SIPA1L3: variants seen among roughly 807,000 people sequenced by gnomAD.
SIPA1L3 encodes signal-induced proliferation-associated 1-like protein 3.
In SIPA1L3, 59 loss-of-function variants were observed where a neutral mutation model predicts 150.1. That is an observed-to-expected ratio of 0.39 (90% CI 0.32 to 0.49). SIPA1L3 has a LOEUF of 0.49. Among genes scored for constraint, SIPA1L3 ranks in the 20% least tolerant of loss-of-function variants. The pLI is 0.86. For missense variants in SIPA1L3, 2,211 were observed against 2,489.5 expected (o/e 0.89, Z 2.38); for synonymous variants, 1,070 against 1,077.6 (o/e 0.99, Z 0.14).
chr19:38,123,554 C>T (rs1971079989), intron 9 of SIPA1L3, among the ~76,000 whole-genome samples: 1 of 145,846 alleles, frequency 6.9e-6, no homozygotes, highest in East Asian at 2.0e-4. Context: ...GGACACAGCA[C>T]ATGTTTCAGA....
At chr19:38,170,729 C>T (rs936198716) in intron 15 of SIPA1L3, among the ~76,000 whole-genome samples, 13 of 151,964 alleles carry the variant, frequency 8.6e-5, no homozygotes, top group African/African-American at 1.2e-4. Flanking sequence ...CCTGCAGAGA[C>T]GGGTGGGGTC....
In SIPA1L3 at chr19:38,106,623, C is replaced by A; in HGVS notation, c.2116C>A (p.Pro706Thr). 2.5e-6 allele frequency: 4 copies of A among 1,612,506 alleles called. No homozygotes were observed. Among genetic ancestry groups the A allele is most frequent in the Non-Finnish European group, 2.5e-6 (3 of 1,178,540 alleles). The change falls in exon 7 of 22, where the codon CCC (proline) becomes ACC (threonine). Residue 706 changes from proline to threonine, a missense_variant. Physicochemically the swap from Pro to Thr is conservative, Grantham distance 38. Around this residue, in one of 5 missense-constraint regions of SIPA1L3, gnomAD observed 625 missense variants for 804.2 expected, o/e 0.78. Transcript: ENST00000222345. ...TGTCTCCACCCTGCTCCCTTACACC[C>A]CCAACAACAGGCAGCAGGTCAGTGA... ...FHVSTLLPYT[P>T]NNRQQLLRKR... is the part of the protein sequence containing the mutation.
chr19:37,959,330 T>C (rs549775383), intron 1 of SIPA1L3, among the ~76,000 whole-genome samples: 4 of 152,170 alleles, frequency 2.6e-5, no homozygotes, highest in Non-Finnish European at 4.4e-5. Flanking sequence ...CAATGGTATA[T>C]TACTCTGTCA....
Position 38,141,202 on chromosome 19 carries a change from C to A in SIPA1L3, c.3162C>A (p.Tyr1054Ter). The A allele has an allele frequency of 6.2e-7, 1 of 1,602,992 alleles. No homozygotes were observed. The highest frequency in any genetic ancestry group is 8.5e-7 in the Non-Finnish European group (1 of 1,173,438). The part of the protein sequence containing the change: ...GTPRRGWPET[Y>*]DMNTSEPKTE... Reference sequence around the variant, plus strand: ...TCCCCAGGGGTTGGCCGGAGACCTACGACATGAATACCTCGGAGCCCAAGA... The same window carrying A: ...TCCCCAGGGGTTGGCCGGAGACCTAAGACATGAATACCTCGGAGCCCAAGA... Residue 1054 changes from tyrosine to a stop codon, truncating the protein, a stop_gained, in exon 11 of 22, where the codon TAC becomes TAA. Transcript: ENST00000222345. LOFTEE classifies it high-confidence loss of function.
intron 1 of SIPA1L3, among the ~76,000 whole-genome samples, chr19:38,012,860 GGACCTGCA>G (rs928146102): frequency 7.9e-5 from 12 of 152,134 alleles, no homozygotes; most frequent in Non-Finnish European, 1.6e-4. Context: ...CAAGGAGGCT[GGACCTGCA>G]GGAAGTAAAC....
At position 38,088,857 on chromosome 19, in the gene SIPA1L3, TC is replaced by T; in HGVS notation, c.1665+9del. 6.2e-7 allele frequency: 1 copy of T among 1,613,376 alleles called. No homozygotes were observed. On this transcript the variant is annotated splice_region_variant and intron_variant, in intron 4 of 21. Transcript: ENST00000222345. ...TCATCTTCCGGACCCGCGAGGTAGG[TC>T]CCATCACTCTCGTTCTTATTAAAGA...
At position 37,960,403 on chromosome 19, in the gene SIPA1L3, A is replaced by ATT. The variant is rs60821140; in HGVS notation, c.-379+53062_-379+53063dup. Among the ~76,000 whole-genome samples the ATT allele has an allele frequency of 5.1e-3, 701 of 137,560 alleles. 10 individuals are homozygous for ATT. The highest frequency in any genetic ancestry group is 0.017 in the African/African-American group (652 of 37,402). The allele number at this position is 137,560 out of a possible 152,430, so 90.2% of individuals were successfully genotyped here. ...AGGTGCGCGCCACCACACTCAGCTA[A>ATT]TTTTTTTTTTTTTTTTTTGAGACAG... On this transcript the variant is annotated intron_variant, in intron 1 of 21. Coordinates refer to ENST00000222345, the MANE Select transcript of SIPA1L3 (RefSeq NM_015073.3).
intron 1 of SIPA1L3, among the ~76,000 whole-genome samples, chr19:37,993,413 C>A (rs940044390): frequency 2.6e-5 from 4 of 152,178 alleles, no homozygotes; most frequent in African/African-American, 9.7e-5. Flanking sequence ...CTCACTGCAA[C>A]CTCCGCCTCC....
chr19:38,170,633 C>T (rs901581347), intron 15 of SIPA1L3, among the ~76,000 whole-genome samples: 6 of 152,182 alleles, frequency 3.9e-5, no homozygotes, highest in Non-Finnish European at 7.3e-5. Flanking sequence ...AGACCAGATC[C>T]CCACCGTCCT....
intron 1 of SIPA1L3, among the ~76,000 whole-genome samples, chr19:37,998,743 A>ACAC: frequency 6.6e-6 from 1 of 152,282 alleles, no homozygotes; most frequent in African/African-American, 2.4e-5. Context: ...AGCCAAGATC[A>ACAC]CACCACTGTA....
Position 37,984,964 on chromosome 19 carries a change from C to T in SIPA1L3, c.-378-44125C>T, listed in dbSNP as rs747985643. On this transcript the variant is annotated intron_variant, in intron 1 of 21. Transcript: ENST00000222345. ...TCTGTGCTAAACACTGTTTCAAGGC[C>T]CAGGTATGCAGCAGAGAAGACAGAC... Among the ~76,000 whole-genome samples, 6 of 152,206 alleles carry T rather than the reference C, an allele frequency of 3.9e-5. No individual in the cohort carries two copies. The South Asian group carries it at 1.2e-3, about 32-fold the overall frequency.
At chr19:38,153,053 C>T (rs1339371473) in intron 13 of SIPA1L3, 86 bp downstream of exon 13, 3 of 1,480,432 alleles carry the variant, frequency 2.0e-6, no homozygotes, top group East Asian at 2.4e-5. Context: ...AACACTCCCC[C>T]TCTTGTGAGT....
chr19:37,944,138 T>A (rs1218065471), intron 1 of SIPA1L3, among the ~76,000 whole-genome samples: 2 of 151,936 alleles, frequency 1.3e-5, no homozygotes, highest in Non-Finnish European at 2.9e-5. Flanking sequence ...ATTAGCCAGG[T>A]GCAGAGGCAT....
chr19:38,079,865 C>G (rs1424222034), intron 2 of SIPA1L3, among the ~76,000 whole-genome samples: 1 of 152,120 alleles, frequency 6.6e-6, no homozygotes, highest in African/African-American at 2.4e-5. Flanking sequence ...CGGAAGTCCC[C>G]ATGGAAGAAC....
intron 10 of SIPA1L3, among the ~76,000 whole-genome samples, chr19:38,131,363 A>G (rs534840616): frequency 6.6e-6 from 1 of 152,324 alleles, no homozygotes; most frequent in East Asian, 1.9e-4. Flanking sequence ...GGAGGCAGCC[A>G]TGTGGTTTTC....
intron 15 of SIPA1L3, among the ~76,000 whole-genome samples, chr19:38,173,278 G>A (rs192634865): frequency 3.3e-5 from 5 of 152,306 alleles, no homozygotes; most frequent in South Asian, 2.1e-4. Flanking sequence ...TCCCTTCCCC[G>A]GGCTGCGGCC....
chr19:38,031,587 A>AT (rs1248049271), intron 2 of SIPA1L3, among the ~76,000 whole-genome samples: 1 of 152,152 alleles, frequency 6.6e-6, no homozygotes, highest in African/African-American at 2.4e-5. Flanking sequence ...TCAGTGCGTC[A>AT]TTGTGGGGGT....
At position 38,167,217 on chromosome 19, in the gene SIPA1L3, G is replaced by C. The variant is rs1373889743; in HGVS notation, c.4208+2311G>C. Among the ~76,000 whole-genome samples the C allele has an allele frequency of 3.6e-5, 4 of 110,404 alleles. No homozygotes were observed. The East Asian group carries it at 1.0e-3, about 28-fold the overall frequency. 72.4% of individuals were successfully genotyped at this position (110,404 alleles called of 152,430 possible). A position where few individuals can be genotyped will look rare whatever the true frequency, so the allele number is the denominator to read the frequency against. On this transcript the variant is annotated intron_variant, in intron 15 of 21. Transcript: ENST00000222345. Reference sequence around the variant, plus strand: ...CACTGCACTCCAGCCTGGCAACAGAGCGAGATTCCATCTCAAAAAAAAAAA... The same window carrying C: ...CACTGCACTCCAGCCTGGCAACAGACCGAGATTCCATCTCAAAAAAAAAAA...
Position 38,028,471 on chromosome 19 carries a change from G to A in SIPA1L3, c.-378-618G>A, listed in dbSNP as rs144167363. Among the ~76,000 whole-genome samples the A allele has an allele frequency of 1.8e-3, 278 of 152,148 alleles. 1 individual carries two copies. Among genetic ancestry groups the A allele is most frequent in the African/African-American group, 6.2e-3 (257 of 41,484 alleles). On this transcript the variant is annotated intron_variant, in intron 1 of 21. Coordinates refer to ENST00000222345, the MANE Select transcript of SIPA1L3 (RefSeq NM_015073.3). ...TATTCACATCTCTGTCCCCTCGTCC[G>A]GGAGGCCTTCCCCGAGCTCTCCGTT...
Sources: gnomAD v4.1 joint callset for allele counts (sites outside exome capture counted in the v4.1 genomes callset) on GRCh38, gnomAD v4.1.1 for gene constraint, gnomAD v4.1.1 regional missense constraint, MANE v1.5 for transcripts, NCBI Gene and HGNC (gene_info 2026-07-23, HGNC 2026-07-21) for gene names.